The following INTS13 variants were observed in gnomAD, a reference collection of about 807,000 sequenced individuals.
INTS13 encodes the protein integrator complex subunit 13, also known as asunder, spermatogenesis regulator homolog (Drosphila).
INTS13 carries 35 observed loss-of-function variants against 90.2 expected under a neutral mutation model. The observed-to-expected ratio is 0.39, with a 90% CI of 0.30 to 0.51. The LOEUF (loss-of-function observed/expected upper bound fraction) is 0.51. Among genes scored for constraint, INTS13 ranks in the 20% least tolerant of loss-of-function variants. The pLI, the probability that INTS13 is intolerant of heterozygous loss-of-function variation, is 0.80. For missense variants in INTS13, 601 were observed against 851.2 expected (o/e 0.71, Z 3.66); for synonymous variants, 309 against 277.1 (o/e 1.11, Z -1.14).
intron 1 of INTS13, 25 bp downstream of exon 1, chr12:26,937,771 G>C (rs1938555089): frequency 6.5e-6 from 1 of 152,830 alleles, no homozygotes. Context: ...GGATAGGGAA[G>C]ACCTCAGGAT....
Position 26,914,076 on chromosome 12 carries a change from A to G in INTS13, c.1472T>C (p.Val491Ala), listed in dbSNP as rs1951865199. Residue 491 changes from valine to alanine, a missense_variant, in exon 13 of 17, where the codon GTG (valine) becomes GCG (alanine). By Grantham distance (64) the Val-to-Ala change is moderately conservative (BLOSUM62 0). Coordinates refer to ENST00000261191, the MANE Select transcript of INTS13 (RefSeq NM_018164.3). ...GTATATTGTTTTTTGACAGTTTAAC[A>G]CATCTTCTTCTGTCAGAGATTCTTT... is the stretch of plus-strand genomic sequence containing the variant. ...IVKESLTEED[V>A]LNCQKTIYNL... The G allele has an allele frequency of 6.2e-7, 1 of 1,610,050 alleles. No homozygotes were observed.
intron 15 of INTS13, among the ~76,000 whole-genome samples, chr12:26,909,164 C>T (rs1358171573): frequency 6.6e-6 from 1 of 152,248 alleles, no homozygotes; most frequent in Middle Eastern, 3.4e-3. Context: ...AGTTCGAGAC[C>T]AGCCTGACCA....
intron 1 of INTS13, among the ~76,000 whole-genome samples, chr12:26,937,018 A>G (rs775723955): frequency 1.3e-5 from 2 of 152,142 alleles, no homozygotes; most frequent in Non-Finnish European, 2.9e-5. Context: ...TTAGGCTGTC[A>G]CTCTACCAGG....
intron 11 of INTS13, 123 bp downstream of exon 11, chr12:26,915,876 AAAT>A (rs1026700429): frequency 6.2e-6 from 4 of 644,598 alleles, no homozygotes; most frequent in African/African-American, 3.6e-5. Context: ...CACCTAATTA[AAAT>A]AATAATCAAC....
intron 14 of INTS13, 120 bp from the exon 15 acceptor site, chr12:26,911,437 C>A: frequency 1.4e-6 from 1 of 719,476 alleles, no homozygotes; most frequent in East Asian, 3.3e-5. Context: ...ATAAAATAAA[C>A]CTAGGGACTA....
chr12:26,911,464 T>A (rs1186204231), intron 14 of INTS13, 147 bp from the exon 15 acceptor site: 2 of 524,782 alleles, frequency 3.8e-6, no homozygotes, highest in South Asian at 6.2e-5. Flanking sequence ...AATCTCAATC[T>A]AAAACCAGGT....
At chr12:26,923,199 T>G (rs1274840090) in intron 7 of INTS13, among the ~76,000 whole-genome samples, 1 of 152,188 alleles carries the variant, frequency 6.6e-6, no homozygotes, top group Non-Finnish European at 1.5e-5. Flanking sequence ...CAACATTATC[T>G]GTTTACCAAA....
intron 15 of INTS13, among the ~76,000 whole-genome samples, chr12:26,907,736 A>G (rs1951652087): frequency 6.6e-6 from 1 of 152,226 alleles, no homozygotes; most frequent in Non-Finnish European, 1.5e-5. Flanking sequence ...AAATCCACTA[A>G]TAAGAAACAA....
chr12:26,916,813 T>A (rs1263447216), intron 10 of INTS13, among the ~76,000 whole-genome samples: 2 of 152,030 alleles, frequency 1.3e-5, no homozygotes, highest in Non-Finnish European at 2.9e-5. Flanking sequence ...TTGTAAAAAA[T>A]TTTCACACAA....
intron 15 of INTS13, 93 bp from the exon 16 acceptor site, chr12:26,906,530 T>A (rs1050087288): frequency 1.0e-5 from 13 of 1,304,074 alleles, no homozygotes; most frequent in African/African-American, 6.0e-5. Flanking sequence ...TTAATTCTGT[T>A]GTTCATTTTA....
intron 11 of INTS13, among the ~76,000 whole-genome samples, chr12:26,915,037 G>C (rs1168896369): frequency 6.6e-6 from 1 of 152,110 alleles, no homozygotes; most frequent in Non-Finnish European, 1.5e-5. Flanking sequence ...GACCAGCCTG[G>C]CCAACATGGT....
intron 3 of INTS13, among the ~76,000 whole-genome samples, chr12:26,930,051 T>C (rs1035768288): frequency 6.6e-6 from 1 of 152,180 alleles, no homozygotes; most frequent in Non-Finnish European, 1.5e-5. Flanking sequence ...GACTAAATTT[T>C]TTAAAATCCC....
At chr12:26,913,859 AAT>A in intron 13 of INTS13, 113 bp downstream of exon 13, 11 of 1,168,668 alleles carry the variant, frequency 9.4e-6, no homozygotes, top group South Asian at 1.4e-5. Context: ...TTTCATCTCA[AAT>A]ATATATATAA....
In INTS13 at chr12:26,905,504, C is replaced by T. The variant is rs755400458; in HGVS notation, c.2114G>A (p.Arg705Gln). Residue 705 changes from arginine (R) to glutamine (Q), a missense_variant, in exon 17 of 17, where the codon CGG becomes CAG. Transcript: ENST00000261191. ...AGTTCTTCAAGTCACTCTTCACTGC[C>T]GGCTGGCTTTTCCATTTTCTGTTGT... ...METTENGKASRQ is the reference protein window; with the variant it reads ...METTENGKASQQ The T allele has an allele frequency of 3.2e-5, 51 of 1,611,002 alleles. No homozygotes were observed. The highest frequency in any genetic ancestry group is 3.6e-5 in the Non-Finnish European group (42 of 1,178,936).
chr12:26,914,617 C>G, intron 11 of INTS13, 39 bp from the exon 12 acceptor site: 1 of 1,510,942 alleles, frequency 6.6e-7, no homozygotes, highest in South Asian at 1.2e-5. Context: ...GAAACTATGT[C>G]TAATGTTTCA....
intron 8 of INTS13, among the ~76,000 whole-genome samples, chr12:26,919,944 C>T (rs552931192): frequency 1.2e-4 from 19 of 152,140 alleles, no homozygotes; most frequent in African/African-American, 4.6e-4. Context: ...CTGGCTAACA[C>T]GGTGAAACCC....
At chr12:26,936,483 C>T (rs1938467055) in intron 2 of INTS13, 96 bp downstream of exon 2, 2 of 882,488 alleles carry the variant, frequency 2.3e-6, no homozygotes, top group Non-Finnish European at 1.7e-6. Context: ...AAGTAATAAA[C>T]ACACAGTCAT....
In INTS13 at chr12:26,936,779, T is replaced by C; in HGVS notation, c.25A>G (p.Lys9Glu). 3 of 1,613,692 alleles carry C rather than the reference T, an allele frequency of 1.9e-6. No individual in the cohort carries two copies. The South Asian group carries it at 3.3e-5, about 18-fold the overall frequency. The change falls in exon 2 of 17, where the codon AAA (lysine) becomes GAA (glutamate). Residue 9 changes from lysine (K) to glutamate (E), a missense_variant. This residue lies in a region of INTS13 where 284 missense variants were observed against 387.7 expected (regional missense o/e 0.73). Transcript: ENST00000261191. ...CAGTGATCCACAACAAACACTGTTT[T>C]ATGAGATTCAGAAAAAATCTTCATT... MKIFSESH[K>E]TVFVVDHCPY...
chr12:26,917,839 A>AAAAACC, intron 8 of INTS13, 106 bp from the exon 9 acceptor site: 1 of 497,876 alleles, frequency 2.0e-6, no homozygotes, highest in Non-Finnish European at 3.7e-6. Flanking sequence ...AAATAATAAA[A>AAAAACC]GCGGCCGGGT....
Sources: allele counts gnomAD v4.1 joint callset (sites outside exome capture counted in the v4.1 genomes callset), GRCh38; gene constraint gnomAD v4.1.1; regional missense constraint gnomAD v4.1.1; transcripts MANE v1.5; gene names NCBI Gene and HGNC (gene_info 2026-07-23, HGNC 2026-07-21).